Variants in PER3 observed in about 807,000 individuals in gnomAD.
PER3 encodes period circadian regulator 3, also known as period circadian protein homolog 3.
Under a neutral mutation model 127.2 loss-of-function variants are expected in PER3, and 107 were observed. The observed-to-expected ratio is 0.84, with a 90% CI of 0.72 to 0.99. The LOEUF is 0.99. PER3 is among the 50% of genes least tolerant of loss of function. The probability of loss-of-function intolerance (pLI) is 0.00; values close to 1 mark genes in which losing one functional copy is unlikely to be tolerated. For missense variants in PER3, 1,560 were observed against 1,525.8 expected, an observed-to-expected ratio of 1.02 and a Z score of -0.37; for synonymous variants, 618 against 585.8, an observed-to-expected ratio of 1.05 and a Z score of -0.79.
chr1:7,806,815 ATATATAT>A, intron 10 of PER3, among the ~76,000 whole-genome samples: 1 of 105,262 alleles, frequency 9.5e-6, no homozygotes, highest in African/African-American at 3.8e-5. Context: ...AAAAAAAAAT[ATATATAT>A]ATATATATAT....
At chr1:7,830,241 G>A in intron 19 of PER3, 80 bp downstream of exon 19, 4 of 1,270,392 alleles carry the variant, frequency 3.1e-6, no homozygotes, top group Non-Finnish European at 4.5e-6. Flanking sequence ...GTGTGCCCCA[G>A]GCACTGATGT....
chr1:7,787,166 GA>G, intron 4 of PER3: 2 of 477,036 alleles, frequency 4.2e-6, no homozygotes, highest in Non-Finnish European at 5.8e-6. Flanking sequence ...TCTAATCTCC[GA>G]ATTGTTAATT....
intron 5 of PER3, among the ~76,000 whole-genome samples, chr1:7,792,745 G>A (rs2097127754): frequency 6.6e-6 from 1 of 152,194 alleles, no homozygotes; most frequent in African/African-American, 2.4e-5. Context: ...AACATGTCTT[G>A]TACAAACCTC....
At chr1:7,819,625 T>C (rs17374230) in intron 14 of PER3, among the ~76,000 whole-genome samples, 23,888 of 152,188 alleles carry the variant, frequency 0.16, 2,123 homozygotes, top group Admixed American at 0.19. Context: ...TTGAAGGAAC[T>C]GTGGTATAGT....
intron 13 of PER3, among the ~76,000 whole-genome samples, chr1:7,818,910 A>C (rs2097263534): frequency 6.6e-6 from 1 of 151,998 alleles, no homozygotes; most frequent in Non-Finnish European, 1.5e-5. Flanking sequence ...CCCACATTCC[A>C]CCCTTAGTGA....
At chr1:7,796,906 C>G (rs74053359) in intron 6 of PER3, among the ~76,000 whole-genome samples, 411 of 152,016 alleles carry the variant, frequency 2.7e-3, no homozygotes, top group African/African-American at 9.5e-3. Context: ...AGGATAATAC[C>G]AGGAGTTTTG....
At chr1:7,800,678 T>C (rs558884375) in intron 7 of PER3, among the ~76,000 whole-genome samples, 7 of 152,194 alleles carry the variant, frequency 4.6e-5, no homozygotes, top group African/African-American at 1.7e-4. Flanking sequence ...TGATTTATGA[T>C]GAGCCAGGTG....
chr1:7,788,282 C>T (rs776379058), intron 5 of PER3, 36 bp downstream of exon 5: 12 of 1,375,668 alleles, frequency 8.7e-6, no homozygotes, highest in Non-Finnish European at 1.2e-5. Context: ...TATCTTTCCT[C>T]ATCAAGATCA....
At chr1:7,793,751 C>T (rs1285800243) in intron 5 of PER3, among the ~76,000 whole-genome samples, 2 of 152,020 alleles carry the variant, frequency 1.3e-5, no homozygotes, top group Non-Finnish European at 1.5e-5. Context: ...CTGAGGTTCA[C>T]GGTTCCAGTA....
intron 4 of PER3, chr1:7,787,734 C>G (rs951694929): frequency 5.2e-6 from 2 of 384,098 alleles, no homozygotes; most frequent in Non-Finnish European, 9.8e-6. Flanking sequence ...ATGACGAGAA[C>G]ACCGTCCACC....
chr1:7,827,530 T>C lies in PER3; in HGVS notation c.2601T>C (p.Pro867=). 1 of 1,614,226 alleles carries C rather than the reference T, an allele frequency of 6.2e-7. No homozygotes were observed. Among genetic ancestry groups the C allele is most frequent in the Non-Finnish European group, 8.5e-7 (1 of 1,180,042 alleles). ...TCCTGCCTGACCCCCCTGTCTGTCCTCTGTTGTCGCCATCGTTTTTGCCAT... is the reference window on the plus strand; with the variant it reads ...TCCTGCCTGACCCCCCTGTCTGTCCCCTGTTGTCGCCATCGTTTTTGCCAT... ...TVFLPDPPVC[P]LLSPSFLPCP... Residue 867 remains proline, a synonymous_variant, in exon 18 of 22, where the codon CCT becomes CCC. Transcript: ENST00000377532.
rs567612469 is a variant in PER3, at chr1:7,833,285, A to T, written c.3215-2477A>T. On this transcript the variant is annotated intron_variant, in intron 19 of 21. Transcript: ENST00000377532. ...GTGTTCTGTAAATGTAAATTAGATC[A>T]AGTTGGTTGATAATGTTGATCCAAC... is the stretch of plus-strand genomic sequence containing the variant. Among the ~76,000 whole-genome samples, 45 of 152,326 alleles carry T rather than the reference A, an allele frequency of 3.0e-4. No individual in the cohort carries two copies. In the Middle Eastern group the frequency reaches 0.01, roughly 35 times the overall value.
chr1:7,827,635 C>T lies in PER3; in HGVS notation c.2706C>T (p.Pro902=). Residue 902 remains proline (P), a synonymous_variant, in exon 18 of 22, where the codon CCC becomes CCT. Coordinates refer to ENST00000377532, the MANE Select transcript of PER3 (RefSeq NM_001377275.1). ...CAATGAGTCCAACTCTGGACCCACC[C>T]CCTTCAGTCACCAGCCAAAGGAGAG... The part of the protein sequence containing the change: ...SSAMSPTLDP[P]PSVTSQRREE... 1.2e-6 allele frequency: 2 copies of T among 1,614,204 alleles called. No individual in the cohort carries two copies. Among genetic ancestry groups the T allele is most frequent in the Non-Finnish European group, 1.7e-6 (2 of 1,180,034 alleles).
chr1:7,825,357 TAAA>T (rs1315420422), intron 16 of PER3, among the ~76,000 whole-genome samples: 1 of 152,144 alleles, frequency 6.6e-6, no homozygotes, highest in African/African-American at 2.4e-5. Flanking sequence ...CAATAATAGA[TAAA>T]AAAGAGGCAA....
At chr1:7,806,836 T>TATATATATA (rs1401946539) in intron 10 of PER3, among the ~76,000 whole-genome samples, 1 of 133,120 alleles carries the variant, frequency 7.5e-6, no homozygotes, top group East Asian at 2.9e-4. Flanking sequence ...TATATATATA[T>TATATATATA]TACATACACA....
chr1:7,803,743 G>A lies in PER3; in HGVS notation c.1031G>A (p.Cys344Tyr), dbSNP rs1402635655. Residue 344 changes from cysteine (C) to tyrosine (Y), a missense_variant, in exon 10 of 22, where the codon TGT becomes TAT. By Grantham distance (194) the Cys-to-Tyr change is radical. This residue lies in a region of PER3 where 1,332 missense variants were observed against 1,223.6 expected (regional missense o/e 1.09). Transcript: ENST00000377532. Reference protein sequence around the residue: ...PPFEHSPIRFCTQNGDYIILD... With the variant: ...PPFEHSPIRFYTQNGDYIILD... ...TTTGAACATTCTCCCATTCGATTTT[G>A]TACTCAAAACGGAGACTACATCATA... 1 of 1,609,858 alleles carries A rather than the reference G, an allele frequency of 6.2e-7. No homozygotes were observed. The highest frequency in any genetic ancestry group is 8.5e-7 in the Non-Finnish European group (1 of 1,176,248).
intron 13 of PER3, among the ~76,000 whole-genome samples, chr1:7,816,464 A>G (rs1054314863): frequency 6.6e-6 from 1 of 152,238 alleles, no homozygotes; most frequent in Non-Finnish European, 1.5e-5. Flanking sequence ...AATGATATAT[A>G]CAATAATGAA....
intron 6 of PER3, among the ~76,000 whole-genome samples, chr1:7,797,579 T>G (rs2097151078): frequency 1.3e-5 from 2 of 148,668 alleles, no homozygotes. Context: ...GAGGTTGCAG[T>G]GAGCCAAGAT....
chr1:7,795,918 A>G (rs1211005359), intron 6 of PER3, among the ~76,000 whole-genome samples: 1 of 152,210 alleles, frequency 6.6e-6, no homozygotes, highest in Admixed American at 6.5e-5. Flanking sequence ...CCAGGTTACC[A>G]GACAGCGTAG....
Sources: allele counts gnomAD v4.1 joint callset (sites outside exome capture counted in the v4.1 genomes callset), GRCh38; gene constraint gnomAD v4.1.1; regional missense constraint gnomAD v4.1.1; transcripts MANE v1.5; gene names NCBI Gene and HGNC (gene_info 2026-07-23, HGNC 2026-07-21).